The following MGMT variants were observed in gnomAD, a reference collection of about 807,000 sequenced individuals.
MGMT encodes the protein O-6-methylguanine-DNA methyltransferase, also known as methylated-DNA--protein-cysteine methyltransferase.
A neutral mutation model predicts 15.9 loss-of-function variants in MGMT; 14 were observed. That is an observed-to-expected ratio of 0.88 (90% CI 0.58 to 1.37). MGMT has a LOEUF of 1.37. MGMT is among the 40% of genes most tolerant of loss of function. The pLI, the probability that MGMT is intolerant of heterozygous loss-of-function variation, is 0.00. For missense variants in MGMT, 282 were observed against 268.1 expected (o/e 1.05, Z -0.36); for synonymous variants, 130 against 118.2 (o/e 1.10, Z -0.65).
rs567625935 is a variant in MGMT at position 129,494,358 on chromosome 10, G to A, written c.-13+27062G>A. Reference sequence around the variant, plus strand: ...ACTGTCCAGACAAGTTCCTAACCACGTGGAGCTCAAGCTTCCCTGGGGCTT... The same window carrying A: ...ACTGTCCAGACAAGTTCCTAACCACATGGAGCTCAAGCTTCCCTGGGGCTT... On this transcript the variant is annotated intron_variant, in intron 1 of 4. Coordinates refer to ENST00000651593, the MANE Select transcript of MGMT (RefSeq NM_002412.5). Among the ~76,000 whole-genome samples the A allele has an allele frequency of 5.1e-4, 78 of 152,320 alleles. No homozygotes were observed. The South Asian group carries it at 5.4e-3, about 11-fold the overall frequency.
At chr10:129,764,370 G>A (rs1848909439) in intron 4 of MGMT, among the ~76,000 whole-genome samples, 1 of 152,226 alleles carries the variant, frequency 6.6e-6, no homozygotes, top group Non-Finnish European at 1.5e-5. Flanking sequence ...GACGTGTGTA[G>A]CTGGGCCCCA....
chr10:129,583,785 T>C (rs922292582), intron 2 of MGMT, among the ~76,000 whole-genome samples: 1 of 152,216 alleles, frequency 6.6e-6, no homozygotes, highest in Non-Finnish European at 1.5e-5. Context: ...ATTCAACAGA[T>C]GGAAACACCA....
rs572973328 is a variant in MGMT at position 129,735,165 on chromosome 10, A to G, written c.275-24037A>G. On this transcript the variant is annotated intron_variant, in intron 3 of 4. Transcript: ENST00000651593. ...CAGTTCCTCCTTGTACCTCTGGTAGAATTCGGCTGTGAATCCATCTGGTCC... is the reference window on the plus strand; with the variant it reads ...CAGTTCCTCCTTGTACCTCTGGTAGGATTCGGCTGTGAATCCATCTGGTCC... Among the ~76,000 whole-genome samples the G allele has an allele frequency of 5.4e-4, 83 of 152,336 alleles. No individual in the cohort carries two copies. In the East Asian group the frequency reaches 0.013, roughly 24 times the overall value.
At chr10:129,694,686 C>CT (rs1190516308) in intron 2 of MGMT, among the ~76,000 whole-genome samples, 1 of 152,118 alleles carries the variant, frequency 6.6e-6, no homozygotes, top group Non-Finnish European at 1.5e-5. Flanking sequence ...TAATTGGATT[C>CT]TTCGCTGGGT....
chr10:129,709,716 TAGG>T (rs939874206), intron 3 of MGMT, among the ~76,000 whole-genome samples: 1 of 152,096 alleles, frequency 6.6e-6, no homozygotes, highest in Admixed American at 6.5e-5. Context: ...ATGAAAAACA[TAGG>T]GGCAAAAGTT....
chr10:129,610,734 A>C (rs1358238658), intron 2 of MGMT, among the ~76,000 whole-genome samples: 1 of 152,236 alleles, frequency 6.6e-6, no homozygotes, highest in African/African-American at 2.4e-5. Context: ...CTGACCTGCA[A>C]ATCTAAAATG....
At chr10:129,529,037 G>A (rs575423923) in intron 1 of MGMT, among the ~76,000 whole-genome samples, 27 of 152,026 alleles carry the variant, frequency 1.8e-4, no homozygotes, top group Non-Finnish European at 3.2e-4. Flanking sequence ...TGTTTTCGGC[G>A]GCTTCTCTGA....
intron 2 of MGMT, among the ~76,000 whole-genome samples, chr10:129,577,230 C>A (rs1490997911): frequency 6.6e-6 from 1 of 152,156 alleles, no homozygotes; most frequent in Admixed American, 6.5e-5. Context: ...ATTGCCAAGT[C>A]AATCCTAAGC....
At chr10:129,584,725 C>T (rs933427687) in intron 2 of MGMT, among the ~76,000 whole-genome samples, 3 of 152,174 alleles carry the variant, frequency 2.0e-5, no homozygotes, top group African/African-American at 7.2e-5. Context: ...TTTGCATCAA[C>T]GGAATCCTGC....
At chr10:129,756,338 G>A (rs1301513595) in intron 3 of MGMT, among the ~76,000 whole-genome samples, 2 of 152,202 alleles carry the variant, frequency 1.3e-5, no homozygotes, top group Non-Finnish European at 2.9e-5. Flanking sequence ...AGGAGACAAG[G>A]GAAGTGGAGG....
chr10:129,573,472 T>G (rs1318018863), intron 2 of MGMT, among the ~76,000 whole-genome samples: 1 of 152,200 alleles, frequency 6.6e-6, no homozygotes, highest in Admixed American at 6.5e-5. Flanking sequence ...CTTCTAAATT[T>G]ATGAGGTGCT....
At chr10:129,653,254 A>T (rs1287808406) in intron 2 of MGMT, among the ~76,000 whole-genome samples, 1 of 152,226 alleles carries the variant, frequency 6.6e-6, no homozygotes, top group Non-Finnish European at 1.5e-5. Context: ...ACTGTCAAAT[A>T]ATCTGAACTA....
chr10:129,757,253 G>A (rs761225544), intron 3 of MGMT, among the ~76,000 whole-genome samples: 5 of 152,136 alleles, frequency 3.3e-5, no homozygotes, highest in Admixed American at 6.5e-5. Flanking sequence ...TTTATTATAC[G>A]ATACTTTTAC....
chr10:129,656,886 C>T (rs1382182524), intron 2 of MGMT, among the ~76,000 whole-genome samples: 1 of 152,084 alleles, frequency 6.6e-6, no homozygotes, highest in Non-Finnish European at 1.5e-5. Context: ...CCAAGGTTCT[C>T]CTTTCATGCT....
chr10:129,709,839 G>C (rs1848210136), intron 3 of MGMT, among the ~76,000 whole-genome samples: 1 of 152,140 alleles, frequency 6.6e-6, no homozygotes, highest in Non-Finnish European at 1.5e-5. Flanking sequence ...TCTCAGGCAG[G>C]CCAGGAAGAA....
intron 2 of MGMT, among the ~76,000 whole-genome samples, chr10:129,647,895 G>A (rs1392170455): frequency 6.6e-6 from 1 of 152,114 alleles, no homozygotes; most frequent in Non-Finnish European, 1.5e-5. Context: ...TAAAGCCTGC[G>A]AGTCTGTGAA....
At chr10:129,694,607 C>G (rs140378423) in intron 2 of MGMT, among the ~76,000 whole-genome samples, 19 of 152,310 alleles carry the variant, frequency 1.2e-4, no homozygotes, top group African/African-American at 3.8e-4. Context: ...TCAGAACTCT[C>G]CAGCCCCCCT....
intron 1 of MGMT, among the ~76,000 whole-genome samples, chr10:129,500,897 C>T (rs1354404755): frequency 6.6e-6 from 1 of 152,200 alleles, no homozygotes; most frequent in Non-Finnish European, 1.5e-5. Context: ...TTTGCCTAAA[C>T]AGTTCAGTGT....
chr10:129,541,915 A>T (rs2119770307), intron 2 of MGMT, among the ~76,000 whole-genome samples: 1 of 152,278 alleles, frequency 6.6e-6, no homozygotes, highest in African/African-American at 2.4e-5. Context: ...TGGGTGGGGC[A>T]TGCAGGTTGG....
Sources: gnomAD v4.1 joint callset for allele counts (sites outside exome capture counted in the v4.1 genomes callset) on GRCh38, gnomAD v4.1.1 for gene constraint, MANE v1.5 for transcripts, NCBI Gene and HGNC (gene_info 2026-07-23, HGNC 2026-07-21) for gene names.